The following FASN variants were observed in gnomAD, a reference collection of about 807,000 sequenced individuals.
FASN encodes 3-hydroxyacyl-[acyl-carrier-protein] dehydratase.
FASN carries 50 observed loss-of-function variants against 250.0 expected under a neutral mutation model. The observed-to-expected ratio is 0.20, with a 90% CI of 0.16 to 0.25. The LOEUF is 0.25. Ranked by LOEUF, FASN falls within the 10% of genes least tolerant of loss-of-function variation. The pLI is 1.00. For synonymous variants in FASN, 1,909 were observed against 1,584.0 expected (o/e 1.21, Z -4.87); for missense variants, 3,031 against 3,498.5 (o/e 0.87, Z 3.37).
rs1406680089 is a variant in FASN at position 82,093,206 on chromosome 17, G to C, written c.655+13C>G. ...CTGTCCCGCCTGCCCTGGCCGCGCAGCCGCACACTCACCCGCTGTGTCGAA... is the reference window on the plus strand; with the variant it reads ...CTGTCCCGCCTGCCCTGGCCGCGCACCCGCACACTCACCCGCTGTGTCGAA... On this transcript the variant is annotated intron_variant, in intron 5 of 42. Transcript: ENST00000306749. The C allele has an allele frequency of 1.3e-6, 2 of 1,567,606 alleles. No individual in the cohort carries two copies. Among genetic ancestry groups the C allele is most frequent in the Non-Finnish European group, 1.7e-6 (2 of 1,157,238 alleles).
Position 82,087,078 on chromosome 17 carries a change from G to A in FASN, c.3399C>T (p.Ala1133=), listed in dbSNP as rs755433156. 1.2e-6 allele frequency: 2 copies of A among 1,611,492 alleles called. No homozygotes were observed. Among genetic ancestry groups the A allele is most frequent in the Non-Finnish European group, 1.7e-6 (2 of 1,179,918 alleles). ...TEEGCLSERA[A]LQEELQLCKG... is the part of the protein sequence containing the mutation. ...TGCACAGTTGCAGCTCCTCCTGCAGGGCAGCGCGCTCAGACAGGCACCCCT... is the reference window on the plus strand; with the variant it reads ...TGCACAGTTGCAGCTCCTCCTGCAGAGCAGCGCGCTCAGACAGGCACCCCT... The change falls in exon 21 of 43, where the codon GCC becomes GCT. Residue 1133 remains alanine, a synonymous_variant. Transcript: ENST00000306749.
At position 82,089,232 on chromosome 17, in the gene FASN, C is replaced by CA. The variant is rs1762320154; in HGVS notation, c.2100+17dup. The CA allele has an allele frequency of 6.2e-7, 1 of 1,611,798 alleles. No individual in the cohort carries two copies. The highest frequency in any genetic ancestry group is 1.7e-5 in the Admixed American group (1 of 59,926). On this transcript the variant is annotated intron_variant, in intron 13 of 42. Transcript: ENST00000306749. Reference sequence around the variant, plus strand: ...GTCCCCTGGCCCGCCCCGCACCCCCCAGGCCGTATTAGTCCACCTTCTTGA... The same window carrying CA: ...GTCCCCTGGCCCGCCCCGCACCCCCCAAGGCCGTATTAGTCCACCTTCTTGA...
At position 82,085,061 on chromosome 17, in the gene FASN, G is replaced by A. The variant is rs1375321825; in HGVS notation, c.4383C>T (p.Arg1461=). The A allele has an allele frequency of 3.7e-6, 6 of 1,612,156 alleles. No homozygotes were observed. The highest frequency in any genetic ancestry group is 4.2e-6 in the Non-Finnish European group (5 of 1,179,720). ...SGVVGLVNCL[R]REPGGNRLRC... ...GGAGGCGGTTCCCGCCGGGCTCTCG[G>A]CGGAGACAGTTCACCAAGCCCACCA... Residue 1461 remains arginine, a synonymous_variant, in exon 25 of 43, where the codon CGC becomes CGT. Coordinates refer to ENST00000306749, the MANE Select transcript of FASN (RefSeq NM_004104.5).
In FASN at chr17:82,083,312, G is replaced by A. The variant is rs369955820; in HGVS notation, c.5455C>T (p.Arg1819Trp). ...EVWALVQAGI[R>W]DGVVRPLKCT... ...TTGAGGGGCCGTACCACCCCATCCCGGATGCCGGCCTGCACAAGCGCCCAC... is the reference window on the plus strand; with the variant it reads ...TTGAGGGGCCGTACCACCCCATCCCAGATGCCGGCCTGCACAAGCGCCCAC... Residue 1819 changes from arginine (R) to tryptophan (W), a missense_variant, in exon 32 of 43, where the codon CGG (arginine) becomes TGG (tryptophan). Coordinates refer to ENST00000306749, the MANE Select transcript of FASN (RefSeq NM_004104.5). The A allele has an allele frequency of 1.1e-4, 182 of 1,612,692 alleles. 1 individual carries two copies. The South Asian group carries it at 1.5e-3, about 13-fold the overall frequency.
At chr17:82,087,921 C>A in intron 18 of FASN, 33 bp downstream of exon 18, 1 of 1,612,096 alleles carries the variant, frequency 6.2e-7, no homozygotes. Context: ...CGGGCACAGC[C>A]TCCGCAGCTC....
chr17:82,082,085 C>A lies in FASN; in HGVS notation c.6087G>T (p.Ala2029=). The change falls in exon 36 of 43, where the codon GCG becomes GCT. Residue 2029 remains alanine, a synonymous_variant. Coordinates refer to ENST00000306749, the MANE Select transcript of FASN (RefSeq NM_004104.5). The part of the protein sequence containing the change: ...FSSVSCGRGN[A]GQSNYGFANS... ...TGGCAAAGCCGTAGTTGCTCTGTCC[C>A]GCATTGCCACGCCCGCAGCTCACAG... The A allele has an allele frequency of 6.2e-7, 1 of 1,609,756 alleles. No individual in the cohort carries two copies. The highest frequency in any genetic ancestry group is 8.5e-7 in the Non-Finnish European group (1 of 1,179,978).
chr17:82,092,159 G>A (rs1425597255), intron 8 of FASN, among the ~76,000 whole-genome samples: 3 of 152,146 alleles, frequency 2.0e-5, no homozygotes, highest in East Asian at 1.9e-4. Flanking sequence ...CCCCAGGCCT[G>A]CTCCTGCCTC....
intron 11 of FASN, among the ~76,000 whole-genome samples, 184 bp from the exon 12 acceptor site, chr17:82,089,910 G>A (rs1202051252): frequency 6.6e-6 from 1 of 152,194 alleles, no homozygotes; most frequent in Admixed American, 6.5e-5. Flanking sequence ...TGTCATTACA[G>A]AGCTGCCACT....
chr17:82,097,839 C>T (rs2034330558), intron 1 of FASN, among the ~76,000 whole-genome samples: 1 of 152,106 alleles, frequency 6.6e-6, no homozygotes, highest in Non-Finnish European at 1.5e-5. Context: ...CCTCCAGGCC[C>T]TTCAGGGTCC....
chr17:82,092,677 G>A lies in FASN; in HGVS notation c.894+20C>T, dbSNP rs759043205. 1.5e-6 allele frequency: 2 copies of A among 1,296,226 alleles called. No individual in the cohort carries two copies. The highest frequency in any genetic ancestry group is 1.0e-6 in the Non-Finnish European group (1 of 963,326). 80.3% of individuals were successfully genotyped at this position (1,296,226 alleles called of 1,614,324 possible). A position where few individuals can be genotyped will look rare whatever the true frequency, so the allele number is the denominator to read the frequency against. ...TTAGGCTCATGGGGTGGTGAGTGGG[G>A]CGGGGGGGGGGGGCATCACCTTGGT... is the stretch of plus-strand genomic sequence containing the variant. On this transcript the variant is annotated intron_variant, in intron 7 of 42. Coordinates refer to ENST00000306749, the MANE Select transcript of FASN (RefSeq NM_004104.5).
chr17:82,086,055 C>T (rs1319396008), intron 22 of FASN, among the ~76,000 whole-genome samples, 184 bp from the exon 23 acceptor site: 2 of 152,224 alleles, frequency 1.3e-5, no homozygotes, highest in Admixed American at 6.5e-5. Flanking sequence ...CTAGGCTGCA[C>T]CTCTTGGAGC....
Position 82,081,272 on chromosome 17 carries a change from G to T in FASN, c.6487C>A (p.Arg2163Ser). The change falls in exon 38 of 43, where the codon CGC (arginine) becomes AGC (serine). Residue 2163 changes from arginine to serine, a missense_variant. By Grantham distance (110) the Arg-to-Ser change is moderately radical. Coordinates refer to ENST00000306749, the MANE Select transcript of FASN (RefSeq NM_004104.5). ...GLDSLMSVEV[R>S]QTLERELNLV... ...TTGAGCTCACGCTCCAGCGTCTGGCGCACCTCCACGCTCATGAGCGAGTCC... is the reference window on the plus strand; with the variant it reads ...TTGAGCTCACGCTCCAGCGTCTGGCTCACCTCCACGCTCATGAGCGAGTCC... 1 of 1,566,870 alleles carries T rather than the reference G, an allele frequency of 6.4e-7. No homozygotes were observed. Among genetic ancestry groups the T allele is most frequent in the East Asian group, 2.3e-5 (1 of 42,756 alleles).
chr17:82,081,389 G>A (rs369854959), intron 37 of FASN, 37 bp from the exon 38 acceptor site: 49 of 1,560,236 alleles, frequency 3.1e-5, no homozygotes, highest in African/African-American at 1.1e-4. Flanking sequence ...CTCCAGAGGG[G>A]GCATGGGGAC....
In FASN at chr17:82,085,312, G is replaced by A. The variant is rs747027147; in HGVS notation, c.4213C>T (p.Arg1405Trp). ...ATGGGGCTGTCCTGCGGGGTGGGCCGGCGGCACAGGAAGAGCGTGGAGCCG... is the reference window on the plus strand; with the variant it reads ...ATGGGGCTGTCCTGCGGGGTGGGCCAGCGGCACAGGAAGAGCGTGGAGCCG... The part of the protein sequence containing the change: ...FYGSTLFLCR[R>W]PTPQDSPIFL... Residue 1405 changes from arginine (R) to tryptophan (W), a missense_variant, in exon 24 of 43, where the codon CGG (arginine) becomes TGG (tryptophan). Physicochemically the swap from Arg to Trp is moderately radical, Grantham distance 101. Transcript: ENST00000306749. The A allele has an allele frequency of 1.2e-5, 20 of 1,611,038 alleles. No individual in the cohort carries two copies. The highest frequency in any genetic ancestry group is 1.6e-5 in the Non-Finnish European group (19 of 1,179,360).
Position 82,085,668 on chromosome 17 carries a change from G to A in FASN, c.3936C>T (p.Leu1312=). 1 of 1,584,494 alleles carries A rather than the reference G, an allele frequency of 6.3e-7. No homozygotes were observed. The highest frequency in any genetic ancestry group is 8.6e-7 in the Non-Finnish European group (1 of 1,166,114). The part of the protein sequence containing the change: ...PAPSALGSAD[L]LVCNCAVAAL... ...CAGCCACAGCACAGTTGCACACCAG[G>A]AGGTCGGCGCTGCCCAGGGCGCTGG... The change falls in exon 23 of 43, where the codon CTC becomes CTT. Residue 1312 remains leucine, a synonymous_variant. Transcript: ENST00000306749.
At chr17:82,090,795 C>T (rs1182374932) in intron 10 of FASN, 87 bp downstream of exon 10, 19 of 1,472,858 alleles carry the variant, frequency 1.3e-5, no homozygotes, top group African/African-American at 1.1e-4. Context: ...TCAGGGGCCC[C>T]GGACTCAACA....
intron 1 of FASN, 138 bp from the exon 2 acceptor site, chr17:82,096,590 C>T (rs931178623): frequency 1.0e-5 from 14 of 1,336,636 alleles, no homozygotes; most frequent in Non-Finnish European, 1.4e-5. Context: ...GCTCCTGCGG[C>T]TCCCTTCCTC....
At chr17:82,090,169 C>T (rs757614149) in intron 11 of FASN, among the ~76,000 whole-genome samples, 12 of 152,344 alleles carry the variant, frequency 7.9e-5, no homozygotes, top group Admixed American at 2.6e-4. Flanking sequence ...CCCATGGACA[C>T]GTGCCTAGGC....
intron 39 of FASN, 33 bp downstream of exon 39, chr17:82,080,659 G>T: frequency 6.4e-7 from 1 of 1,557,570 alleles, no homozygotes; most frequent in South Asian, 1.2e-5. Context: ...GGCCAGCACT[G>T]ACCACCGCTT....
Sources: allele counts gnomAD v4.1 joint callset (sites outside exome capture counted in the v4.1 genomes callset), GRCh38; gene constraint gnomAD v4.1.1; transcripts MANE v1.5; gene names NCBI Gene and HGNC (gene_info 2026-07-23, HGNC 2026-07-21).